ATP6V1E1: variants seen among roughly 807,000 people sequenced by gnomAD.
ATP6V1E1 encodes ATPase H+ transporting V1 subunit E1.
Under a neutral mutation model 35.2 loss-of-function variants are expected in ATP6V1E1, and 21 were observed. The observed-to-expected ratio is 0.60, with a 90% confidence interval of 0.42 to 0.86. The LOEUF (loss-of-function observed/expected upper bound fraction) is 0.86. Among genes scored for constraint, ATP6V1E1 ranks in the 40% least tolerant of loss-of-function variants. The probability of loss-of-function intolerance (pLI) is 0.00; values close to 1 mark genes in which losing one functional copy is unlikely to be tolerated. For missense variants in ATP6V1E1, 183 were observed against 272.6 expected (o/e 0.67, Z 2.32); for synonymous variants, 83 against 87.8 (o/e 0.95, Z 0.30).
chr22:17,622,372 T>A (rs1317855364), intron 1 of ATP6V1E1, among the ~76,000 whole-genome samples: 1 of 152,144 alleles, frequency 6.6e-6, no homozygotes, highest in African/African-American at 2.4e-5. Context: ...GAATACAAGG[T>A]ATCCCAGGTA....
chr22:17,624,074 T>A (rs1478827009), intron 1 of ATP6V1E1, among the ~76,000 whole-genome samples: 1 of 152,156 alleles, frequency 6.6e-6, no homozygotes, highest in Non-Finnish European at 1.5e-5. Flanking sequence ...AAAGCAAATA[T>A]ACACAAATAT....
intron 4 of ATP6V1E1, among the ~76,000 whole-genome samples, chr22:17,608,655 T>C (rs995802662): frequency 3.9e-5 from 6 of 152,214 alleles, no homozygotes; most frequent in Non-Finnish European, 7.3e-5. Context: ...CTCAAACTCT[T>C]GGCCTCAAGC....
At chr22:17,607,696 T>C (rs565732184) in intron 4 of ATP6V1E1, among the ~76,000 whole-genome samples, 5 of 152,246 alleles carry the variant, frequency 3.3e-5, no homozygotes, top group Non-Finnish European at 7.4e-5. Context: ...AATGTAACCA[T>C]TAAACACTAT....
Position 17,605,693 on chromosome 22 carries a change from C to CTTTTTT in ATP6V1E1, c.277-4518_277-4513dup, listed in dbSNP as rs3044548. The stretch of plus-strand genomic sequence containing the variant: ...AAATAAGCTTTAGGTAGATGTTTCT[C>CTTTTTT]TTTTTTTTTTTTTTTTTTTTTTGAG... On this transcript the variant is annotated intron_variant, in intron 4 of 8. Coordinates refer to ENST00000253413, the MANE Select transcript of ATP6V1E1 (RefSeq NM_001696.4). Among the ~76,000 whole-genome samples the CTTTTTT allele has an allele frequency of 2.9e-3, 297 of 103,978 alleles. 5 individuals carry two copies. The highest frequency in any genetic ancestry group is 0.01 in the African/African-American group (275 of 27,312). The allele number at this position is 103,978 out of a possible 152,430, so 68.2% of individuals were successfully genotyped here.
chr22:17,620,860 C>G (rs550489431), intron 1 of ATP6V1E1, among the ~76,000 whole-genome samples: 2 of 152,098 alleles, frequency 1.3e-5, no homozygotes, highest in South Asian at 4.2e-4. Context: ...TCAGGAGATC[C>G]AGACCATCCT....
chr22:17,594,646 A>G, intron 7 of ATP6V1E1, 30 bp from the exon 8 acceptor site: 1 of 1,504,868 alleles, frequency 6.6e-7, no homozygotes, highest in Non-Finnish European at 9.0e-7. Flanking sequence ...GGAAATAATC[A>G]TTTTCAAAGA....
rs376295952 is a variant in ATP6V1E1 at position 17,592,653 on chromosome 22, C to T, written c.*21G>A. 25 of 1,611,846 alleles carry T rather than the reference C, an allele frequency of 1.6e-5. No homozygotes were observed. The highest frequency in any genetic ancestry group is 1.3e-4 in the African/African-American group (10 of 74,852). On this transcript the variant is annotated 3_prime_UTR_variant, in exon 9 of 9. Coordinates refer to ENST00000253413, the MANE Select transcript of ATP6V1E1 (RefSeq NM_001696.4). ...CACATCACAGCAGGAGAGCTGACGA[C>T]GAGCTCCACCTCCTGAAGGCTTAGT...
intron 6 of ATP6V1E1, among the ~76,000 whole-genome samples, chr22:17,599,278 T>TAAA (rs796957937): frequency 7.0e-6 from 1 of 143,592 alleles, no homozygotes; most frequent in African/African-American, 2.5e-5. Flanking sequence ...TTACCACCAT[T>TAAA]AAAAAAAAAA....
intron 1 of ATP6V1E1, among the ~76,000 whole-genome samples, chr22:17,627,585 C>G (rs2057920516): frequency 6.6e-6 from 1 of 150,952 alleles, no homozygotes; most frequent in Non-Finnish European, 1.5e-5. Flanking sequence ...TTGGGAGGCC[C>G]AGGTGGGAAG....
rs746489312 is a variant in ATP6V1E1, at chr22:17,600,099, G to A, written c.367-4C>T. On this transcript the variant is annotated splice_polypyrimidine_tract_variant and splice_region_variant and intron_variant, in intron 5 of 8. Transcript: ENST00000253413. ...GCTCCAGCAACTGGTACAAACCCTG[G>A]AAGAAATAGTAGATACAGTCAGTAG... is the stretch of plus-strand genomic sequence containing the variant. 62 of 1,612,288 alleles carry A rather than the reference G, an allele frequency of 3.8e-5. No homozygotes were observed. The highest frequency in any genetic ancestry group is 5.2e-5 in the Non-Finnish European group (61 of 1,178,686).
intron 4 of ATP6V1E1, among the ~76,000 whole-genome samples, chr22:17,609,813 C>T (rs1266420360): frequency 6.6e-6 from 1 of 152,046 alleles, no homozygotes; most frequent in African/African-American, 2.4e-5. Flanking sequence ...TTGAAAACCA[C>T]TGTGTGTCAT....
intron 2 of ATP6V1E1, among the ~76,000 whole-genome samples, chr22:17,613,654 A>G (rs1052042031): frequency 6.6e-6 from 1 of 151,764 alleles, no homozygotes; most frequent in African/African-American, 2.4e-5. Flanking sequence ...GCCAATAAAT[A>G]TGACACAGAA....
intron 4 of ATP6V1E1, among the ~76,000 whole-genome samples, chr22:17,609,130 C>A (rs150670998): frequency 1.6e-5 from 2 of 126,688 alleles, no homozygotes; most frequent in African/African-American, 9.0e-5. Context: ...AACAAACAAA[C>A]AAACAAAAAT....
intron 1 of ATP6V1E1, among the ~76,000 whole-genome samples, chr22:17,620,332 AGAGACGGG>A (rs2057869590): frequency 6.6e-6 from 1 of 151,796 alleles, no homozygotes; most frequent in Non-Finnish European, 1.5e-5. Flanking sequence ...TATTTTTAGT[AGAGACGGG>A]GTTTCACCAT....
intron 2 of ATP6V1E1, among the ~76,000 whole-genome samples, chr22:17,618,487 C>T (rs2057857682): frequency 6.6e-6 from 1 of 151,096 alleles, no homozygotes; most frequent in African/African-American, 2.4e-5. Flanking sequence ...TCGAGACCAT[C>T]CTGGCTAATG....
chr22:17,628,752 C>G (rs75779762), upstream of ATP6V1E1: 3 of 1,421,912 alleles, frequency 2.1e-6, no homozygotes, highest in Non-Finnish European at 3.0e-6. Flanking sequence ...TACTTTATAA[C>G]CGCGGGTTCC....
intron 1 of ATP6V1E1, among the ~76,000 whole-genome samples, chr22:17,621,095 C>T (rs9605348): frequency 0.23 from 34,294 of 151,908 alleles, 4,289 homozygotes; most frequent in Middle Eastern, 0.27. Context: ...TTGCCCACCT[C>T]GCTCCATCAT....
chr22:17,621,893 C>T (rs766380041), intron 1 of ATP6V1E1, among the ~76,000 whole-genome samples: 27 of 152,118 alleles, frequency 1.8e-4, no homozygotes, highest in Admixed American at 1.2e-3. Context: ...TGTCCCTATC[C>T]TCAACTGAAC....
rs918529486 is a variant in ATP6V1E1 at position 17,628,717 on chromosome 22, C to T, written c.-82G>A. 4.1e-5 allele frequency: 65 copies of T among 1,582,132 alleles called. No individual in the cohort carries two copies. Among genetic ancestry groups the T allele is most frequent in the Non-Finnish European group, 5.3e-5 (61 of 1,151,748 alleles). ...AGGTGAGAGAAATCGGCAAAGGGAA[C>T]CCCTGCGCAGATCTCGGGTTCCTTT... is the stretch of plus-strand genomic sequence containing the variant. On this transcript the variant is annotated 5_prime_UTR_variant, in exon 1 of 9. Transcript: ENST00000253413.
Sources: allele counts gnomAD v4.1 joint callset (sites outside exome capture counted in the v4.1 genomes callset), GRCh38; gene constraint gnomAD v4.1.1; transcripts MANE v1.5; gene names NCBI Gene and HGNC (gene_info 2026-07-23, HGNC 2026-07-21).